The following CDH4 variants were observed in gnomAD, a reference collection of about 807,000 sequenced individuals.
The protein encoded by CDH4 is cadherin-4.
CDH4 carries 33 observed loss-of-function variants against 86.0 expected under a neutral mutation model. The observed-to-expected ratio is 0.38, with a 90% CI of 0.29 to 0.51. The LOEUF (loss-of-function observed/expected upper bound fraction) is 0.51. Ranked by LOEUF, CDH4 falls within the 20% of genes least tolerant of loss-of-function variation. The pLI, the probability that CDH4 is intolerant of heterozygous loss-of-function variation, is 0.86. For missense variants in CDH4, 1,114 were observed against 1,307.4 expected, an observed-to-expected ratio of 0.85 and a Z score of 2.28; for synonymous variants, 555 against 549.4, an observed-to-expected ratio of 1.01 and a Z score of -0.14.
chr20:61,909,185 G>A (rs1429678290), intron 8 of CDH4, among the ~76,000 whole-genome samples: 1 of 152,212 alleles, frequency 6.6e-6, no homozygotes, highest in African/African-American at 2.4e-5. Context: ...GGGGAGCAGA[G>A]CTGCCTGCAG....
At chr20:61,658,447 C>T (rs2087215979) in intron 2 of CDH4, among the ~76,000 whole-genome samples, 1 of 152,224 alleles carries the variant, frequency 6.6e-6, no homozygotes, top group South Asian at 2.1e-4. Flanking sequence ...ACCTCAGAGA[C>T]ACTTCCTTCC....
At chr20:61,525,541 C>G (rs2085903516) in intron 2 of CDH4, among the ~76,000 whole-genome samples, 1 of 152,178 alleles carries the variant, frequency 6.6e-6, no homozygotes, top group African/African-American at 2.4e-5. Context: ...GCCTCTCCAG[C>G]TAAGCCCCCT....
intron 7 of CDH4, among the ~76,000 whole-genome samples, chr20:61,888,708 G>A (rs1388031520): frequency 6.6e-6 from 1 of 152,220 alleles, no homozygotes; most frequent in Non-Finnish European, 1.5e-5. Context: ...AGGAGACCCA[G>A]CGGGCATCGG....
chr20:61,415,003 C>T (rs775667264), intron 2 of CDH4, among the ~76,000 whole-genome samples: 2 of 152,246 alleles, frequency 1.3e-5, no homozygotes, highest in Non-Finnish European at 2.9e-5. Flanking sequence ...TCCAAAGATT[C>T]AACCAGCCGG....
chr20:61,890,735 G>T (rs73917257), intron 7 of CDH4, among the ~76,000 whole-genome samples: 3,052 of 152,096 alleles, frequency 0.02, 92 homozygotes, highest in African/African-American at 0.068. Context: ...GCTATTTCTG[G>T]TTTTTTTTGT....
Position 61,936,940 on chromosome 20 carries a change from TTGAC to T in CDH4, c.*2_*5del, listed in dbSNP as rs1568901283. 2 of 1,565,468 alleles carry T rather than the reference TTGAC, an allele frequency of 1.3e-6. No homozygotes were observed. Among genetic ancestry groups the T allele is most frequent in the Non-Finnish European group, 1.7e-6 (2 of 1,153,830 alleles). Reference sequence around the variant, plus strand: ...ACATGTATGGAGGTGGTGAAGAGGATTGACTGACCTCGCATCTTCGGACCGAAGT... The same window carrying T: ...ACATGTATGGAGGTGGTGAAGAGGATTGACCTCGCATCTTCGGACCGAAGT... On this transcript the variant is annotated stop_retained_variant and 3_prime_UTR_variant, in exon 16 of 16. Coordinates refer to ENST00000614565, the MANE Select transcript of CDH4 (RefSeq NM_001794.5).
chr20:61,296,189 CGTGT>C (rs941398632), intron 2 of CDH4, among the ~76,000 whole-genome samples: 2 of 143,080 alleles, frequency 1.4e-5, no homozygotes, highest in African/African-American at 5.5e-5. Context: ...TGAGTGTGTG[CGTGT>C]GTGTGTGTGA....
chr20:61,370,244 G>C (rs1254363458), intron 2 of CDH4: 1 of 153,042 alleles, frequency 6.5e-6, no homozygotes, highest in Non-Finnish European at 1.5e-5. Context: ...CTTTCACACT[G>C]AGCTCCTGGC....
intron 2 of CDH4, among the ~76,000 whole-genome samples, chr20:61,435,368 C>T (rs1182593393): frequency 6.6e-6 from 1 of 152,258 alleles, no homozygotes; most frequent in African/African-American, 2.4e-5. Flanking sequence ...TGTGAAACCA[C>T]AGCCCTGGGG....
chr20:61,309,594 G>GAAAT lies in CDH4; in HGVS notation c.169+54658_169+54661dup, dbSNP rs556378512. On this transcript the variant is annotated intron_variant, in intron 2 of 15. Transcript: ENST00000614565. ...AAAAGGAGGGAAAAACTTAGGAAGAGAAATGGTTTATAGACAAAACTTTGA... is the reference window on the plus strand; with the variant it reads ...AAAAGGAGGGAAAAACTTAGGAAGAGAAATAAATGGTTTATAGACAAAACTTTGA... 2.2e-4 allele frequency among the ~76,000 whole-genome samples: 34 copies of GAAAT among 152,352 alleles called. No individual in the cohort carries two copies. The East Asian group carries it at 6.0e-3, about 27-fold the overall frequency.
chr20:61,821,676 G>A (rs755809945), intron 4 of CDH4, among the ~76,000 whole-genome samples: 4 of 152,260 alleles, frequency 2.6e-5, no homozygotes, highest in Non-Finnish European at 5.9e-5. Flanking sequence ...TTACACCTGT[G>A]CTTCCTGAAA....
chr20:61,482,475 C>T (rs2085573313), intron 2 of CDH4, among the ~76,000 whole-genome samples: 1 of 152,148 alleles, frequency 6.6e-6, no homozygotes, highest in Non-Finnish European at 1.5e-5. Context: ...TCCTGTTAAA[C>T]TTGAGCGGAG....
intron 2 of CDH4, among the ~76,000 whole-genome samples, chr20:61,513,811 G>A (rs2085797523): frequency 6.6e-6 from 1 of 152,134 alleles, no homozygotes; most frequent in Non-Finnish European, 1.5e-5. Flanking sequence ...CCTGTCCCAG[G>A]CACCACGGGC....
chr20:61,344,730 T>A (rs2084667697), intron 2 of CDH4, among the ~76,000 whole-genome samples: 1 of 152,218 alleles, frequency 6.6e-6, no homozygotes, highest in East Asian at 1.9e-4. Flanking sequence ...TCCCAGTGTC[T>A]TGTGTTCAAC....
At position 61,269,205 on chromosome 20, in the gene CDH4, C is replaced by G. The variant is rs939017001; in HGVS notation, c.169+14268C>G. On this transcript the variant is annotated intron_variant, in intron 2 of 15. Transcript: ENST00000614565. The surrounding 1 kb of genome is among the most constrained non-coding windows in gnomAD (Gnocchi z 5.3). ...CTAGGCAGGAGGCATGTTACTAACC[C>G]TCCTTTCACAGAGTTGGGGTGCTGA... Among the ~76,000 whole-genome samples, 16 of 152,176 alleles carry G rather than the reference C, an allele frequency of 1.1e-4. No homozygotes were observed. The highest frequency in any genetic ancestry group is 3.9e-4 in the African/African-American group (16 of 41,454).
chr20:61,529,080 T>C (rs555590240), intron 2 of CDH4, among the ~76,000 whole-genome samples: 126 of 152,308 alleles, frequency 8.3e-4, no homozygotes, highest in Non-Finnish European at 1.5e-3. Flanking sequence ...TTCAAATCCA[T>C]AGGAAGGAAT....
At chr20:61,318,924 C>T (rs2084492840) in intron 2 of CDH4, among the ~76,000 whole-genome samples, 1 of 152,214 alleles carries the variant, frequency 6.6e-6, no homozygotes, top group South Asian at 2.1e-4. Flanking sequence ...GGCAGAGACC[C>T]CTCCTTGCCC....
At chr20:61,730,951 C>T (rs2088172730) in intron 2 of CDH4, among the ~76,000 whole-genome samples, 1 of 147,208 alleles carries the variant, frequency 6.8e-6, no homozygotes, top group African/African-American at 2.5e-5. Context: ...CTCCGGCTCC[C>T]ACGTGGAAGG....
intron 2 of CDH4, among the ~76,000 whole-genome samples, chr20:61,694,730 C>A (rs1238385326): frequency 6.6e-6 from 1 of 152,124 alleles, no homozygotes; most frequent in South Asian, 2.1e-4. Flanking sequence ...CAGTCTCCTG[C>A]GTGCTTTAGA....
Sources: gnomAD v4.1 joint callset for allele counts (sites outside exome capture counted in the v4.1 genomes callset) on GRCh38, gnomAD v4.1.1 for gene constraint, Gnocchi (gnomAD v3.1) non-coding constraint, MANE v1.5 for transcripts, NCBI Gene and HGNC (gene_info 2026-07-23, HGNC 2026-07-21) for gene names.